The following SMURF2 variants were observed in gnomAD, a reference collection of about 807,000 sequenced individuals.
The protein encoded by SMURF2 is SMAD specific E3 ubiquitin protein ligase 2, also known as E3 ubiquitin-protein ligase SMURF2.
In SMURF2, 48 loss-of-function variants were observed where a neutral mutation model predicts 109.6. That is an observed-to-expected ratio of 0.44 (90% CI 0.35 to 0.56). The LOEUF (loss-of-function observed/expected upper bound fraction) is 0.56, where lower values mean the gene tolerates loss of function less well. SMURF2 is among the 20% of genes least tolerant of loss of function. The probability of loss-of-function intolerance (pLI) is 0.01; values close to 1 mark genes in which losing one functional copy is unlikely to be tolerated. For missense variants in SMURF2, 575 were observed against 909.0 expected, an observed-to-expected ratio of 0.63 and a Z score of 4.72; for synonymous variants, 288 against 317.1, an observed-to-expected ratio of 0.91 and a Z score of 0.97.
chr17:64,645,478 A>C (rs566194293), intron 1 of SMURF2, among the ~76,000 whole-genome samples: 1 of 152,314 alleles, frequency 6.6e-6, no homozygotes, highest in South Asian at 2.1e-4. Flanking sequence ...GGTTGAGCCC[A>C]TGAGTTTAAG....
chr17:64,606,219 T>C (rs1036658289), intron 2 of SMURF2, among the ~76,000 whole-genome samples: 2 of 152,186 alleles, frequency 1.3e-5, no homozygotes, highest in Non-Finnish European at 2.9e-5. Flanking sequence ...TACCTTCCAA[T>C]GAATCTTGAA....
chr17:64,640,775 T>C (rs1555692498), intron 1 of SMURF2, among the ~76,000 whole-genome samples: 1 of 151,782 alleles, frequency 6.6e-6, no homozygotes, highest in Non-Finnish European at 1.5e-5. Context: ...AAAAATTAGC[T>C]GGGCATGGTG....
chr17:64,572,823 A>G (rs1969417049), intron 9 of SMURF2: 1 of 152,102 alleles, frequency 6.6e-6, no homozygotes, highest in Non-Finnish European at 1.5e-5. Flanking sequence ...TAAACTGGCA[A>G]TAGAACTGCA....
Position 64,543,453 on chromosome 17 carries a change from T to TA in SMURF2, c.*2394dup, listed in dbSNP as rs1555682813. On this transcript the variant is annotated 3_prime_UTR_variant, in exon 19 of 19. Transcript: ENST00000262435. ...CATGCCCGGCTAAATTTTGTATTTT[T>TA]AGTAGAGACAGGGTTTCACCACGTT... 6.6e-6 allele frequency: 1 copy of TA among 151,940 alleles called. No individual in the cohort carries two copies. The highest frequency in any genetic ancestry group is 1.5e-5 in the Non-Finnish European group (1 of 67,988). The allele number at this position is 151,940 out of a possible 1,614,324, so 9.4% of individuals were successfully genotyped here.
chr17:64,591,298 A>AT, intron 4 of SMURF2, 149 bp from the exon 5 acceptor site: 1 of 578,382 alleles, frequency 1.7e-6, no homozygotes, highest in Non-Finnish European at 3.0e-6. Flanking sequence ...ACACTGGTGT[A>AT]TTACATTGCC....
At chr17:64,554,412 G>A (rs958134208) in intron 15 of SMURF2, among the ~76,000 whole-genome samples, 1 of 152,162 alleles carries the variant, frequency 6.6e-6, no homozygotes, top group African/African-American at 2.4e-5. Flanking sequence ...GAGAGAGAGT[G>A]GCTATGGGGG....
At chr17:64,554,219 TCACA>T (rs1969086422) in intron 15 of SMURF2, among the ~76,000 whole-genome samples, 1 of 152,202 alleles carries the variant, frequency 6.6e-6, no homozygotes, top group Non-Finnish European at 1.5e-5. Context: ...CTCCTGGTAT[TCACA>T]CATTTGTACA....
chr17:64,628,022 A>G (rs781823368), intron 1 of SMURF2, among the ~76,000 whole-genome samples: 1 of 152,160 alleles, frequency 6.6e-6, no homozygotes, highest in Non-Finnish European at 1.5e-5. Flanking sequence ...TCCCACACAG[A>G]TCATATGACT....
Position 64,545,720 on chromosome 17 carries a change from A to AGGGGG in SMURF2, c.*127_*128insCCCCC. The stretch of plus-strand genomic sequence containing the variant: ...CCCTCACAGTGTCCTAAAATGTAAA[A>AGGGGG]AAAAAAAAAAAAAGGGGGGGGGGGG... On this transcript the variant is annotated 3_prime_UTR_variant, in exon 19 of 19. Transcript: ENST00000262435. The AGGGGG allele has an allele frequency of 4.7e-6, 1 of 214,788 alleles. No homozygotes were observed. Among genetic ancestry groups the AGGGGG allele is most frequent in the Non-Finnish European group, 8.2e-6 (1 of 122,310 alleles). 13.3% of individuals were successfully genotyped at this position (214,788 alleles called of 1,614,324 possible).
chr17:64,629,057 A>G (rs940455531), intron 1 of SMURF2, among the ~76,000 whole-genome samples: 1 of 152,110 alleles, frequency 6.6e-6, no homozygotes, highest in African/African-American at 2.4e-5. Flanking sequence ...AAAAAGACCA[A>G]AAGTTTTCTG....
At chr17:64,565,786 T>G (rs1969292221) in intron 10 of SMURF2, among the ~76,000 whole-genome samples, 1 of 151,908 alleles carries the variant, frequency 6.6e-6, no homozygotes, top group Admixed American at 6.6e-5. Context: ...GCATGGTAAG[T>G]GCAAAATAAA....
chr17:64,599,696 A>T (rs1969866993), intron 2 of SMURF2, among the ~76,000 whole-genome samples: 1 of 152,178 alleles, frequency 6.6e-6, no homozygotes, highest in South Asian at 2.1e-4. Context: ...ATGAGAATCT[A>T]AAGTCTGATG....
intron 1 of SMURF2, chr17:64,660,979 G>A (rs1970766764): frequency 1.3e-5 from 2 of 152,034 alleles, no homozygotes; most frequent in East Asian, 1.9e-4. Context: ...CAACCCCTCC[G>A]GACATTCTTT....
chr17:64,584,351 CTTTTT>C (rs781823585), intron 6 of SMURF2, among the ~76,000 whole-genome samples: 5 of 131,796 alleles, frequency 3.8e-5, no homozygotes, highest in East Asian at 4.2e-4. Context: ...CAGCTACTTT[CTTTTT>C]TTTTCTTTTT....
intron 2 of SMURF2, among the ~76,000 whole-genome samples, chr17:64,604,078 T>C (rs915992013): frequency 1.3e-5 from 2 of 152,236 alleles, no homozygotes; most frequent in South Asian, 4.1e-4. Flanking sequence ...TTACTGTCTC[T>C]GAAATTAATG....
intron 10 of SMURF2, among the ~76,000 whole-genome samples, chr17:64,567,356 C>T (rs1413276968): frequency 6.6e-6 from 1 of 151,976 alleles, no homozygotes; most frequent in Non-Finnish European, 1.5e-5. Flanking sequence ...GAAAACTAGT[C>T]AAATGTTCTT....
intron 16 of SMURF2, among the ~76,000 whole-genome samples, chr17:64,549,264 A>G (rs1343673048): frequency 2.5e-5 from 3 of 118,808 alleles, no homozygotes; most frequent in African/African-American, 4.0e-5. Flanking sequence ...TGTGTCTCCA[A>G]AAAAAAAAAA....
chr17:64,557,019 A>G (rs542777233), intron 13 of SMURF2, among the ~76,000 whole-genome samples: 1 of 152,214 alleles, frequency 6.6e-6, no homozygotes, highest in Non-Finnish European at 1.5e-5. Flanking sequence ...TAGTGGCTGT[A>G]TAGTATGCCC....
chr17:64,559,265 T>C (rs1679184439), intron 12 of SMURF2, among the ~76,000 whole-genome samples: 1 of 152,104 alleles, frequency 6.6e-6, no homozygotes, highest in South Asian at 2.1e-4. Flanking sequence ...CACATTCCAT[T>C]TATTCTGCTC....
Sources: allele counts gnomAD v4.1 joint callset (sites outside exome capture counted in the v4.1 genomes callset), GRCh38; gene constraint gnomAD v4.1.1; transcripts MANE v1.5; gene names NCBI Gene and HGNC (gene_info 2026-07-23, HGNC 2026-07-21).